FER1L6: variants seen among roughly 807,000 people sequenced by gnomAD.
FER1L6 encodes the protein fer-1-like protein 6.
Under a neutral mutation model 219.2 loss-of-function variants are expected in FER1L6, and 177 were observed. That is an observed-to-expected ratio of 0.81 (90% CI 0.71 to 0.91). The LOEUF (loss-of-function observed/expected upper bound fraction) is 0.91. FER1L6 is among the 40% of genes least tolerant of loss of function. FER1L6 has a pLI of 0.00. For synonymous variants in FER1L6, 768 were observed against 824.3 expected (o/e 0.93, Z 1.17); for missense variants, 2,153 against 2,259.9 (o/e 0.95, Z 0.96).
rs1167079572 is a variant in FER1L6 at position 123,852,728 on chromosome 8, G to T, written c.-8+543G>T. 6.6e-6 allele frequency among the ~76,000 whole-genome samples: 1 copy of T among 152,010 alleles called. No individual in the cohort carries two copies. Among genetic ancestry groups the T allele is most frequent in the Non-Finnish European group, 1.5e-5 (1 of 68,000 alleles). On this transcript the variant is annotated intron_variant, in intron 1 of 40. Transcript: ENST00000522917. This position sits in a 1 kb window ranked among gnomAD's most constrained non-coding sequence, Gnocchi z 4.9. ...ATTTCTCACTCAGTTTTCCCTAATG[G>T]TAACATCTTATATTACCATGGTACA...
intron 33 of FER1L6, among the ~76,000 whole-genome samples, chr8:124,086,661 G>C (rs1290594680): frequency 6.6e-6 from 1 of 151,978 alleles, no homozygotes; most frequent in African/African-American, 2.4e-5. Flanking sequence ...GTGTTTTTCT[G>C]TGTACTTACT....
intron 11 of FER1L6, among the ~76,000 whole-genome samples, chr8:123,983,729 C>G (rs1206251209): frequency 6.6e-6 from 1 of 152,158 alleles, no homozygotes. Context: ...CCAAGAATAA[C>G]CTCTTGCTTC....
At chr8:124,015,282 T>C (rs1447760416) in intron 15 of FER1L6, among the ~76,000 whole-genome samples, 2 of 151,980 alleles carry the variant, frequency 1.3e-5, no homozygotes, top group Admixed American at 6.6e-5. Flanking sequence ...TTGCAGGAGG[T>C]AGGACTCACT....
At position 124,064,499 on chromosome 8, in the gene FER1L6, C is replaced by T. The variant is rs758773452; in HGVS notation, c.3481C>T (p.Pro1161Ser). 1.9e-6 allele frequency: 3 copies of T among 1,614,008 alleles called. No homozygotes were observed. Among genetic ancestry groups the T allele is most frequent in the South Asian group, 1.1e-5 (1 of 91,042 alleles). The change falls in exon 26 of 41, where the codon CCT (proline) becomes TCT (serine). Residue 1161 changes from proline (P) to serine (S), a missense_variant. Transcript: ENST00000522917. ...QAQPAILVDVPDSSPMLEPEH... is the reference protein window; with the variant it reads ...QAQPAILVDVSDSSPMLEPEH... The stretch of plus-strand genomic sequence containing the variant: ...CCAGCCGGCCATCCTGGTTGACGTC[C>T]CTGACTCATCCCCGATGCTGGAGCC...
At chr8:123,911,504 T>C (rs1480514148) in intron 1 of FER1L6, among the ~76,000 whole-genome samples, 1 of 152,174 alleles carries the variant, frequency 6.6e-6, no homozygotes, top group Non-Finnish European at 1.5e-5. Flanking sequence ...AAACCCTCTG[T>C]TAATCTTCAG....
At chr8:123,963,499 G>A in intron 3 of FER1L6, 101 bp downstream of exon 3, 2 of 1,392,190 alleles carry the variant, frequency 1.4e-6, no homozygotes, top group Non-Finnish European at 2.0e-6. Context: ...GTAAGACATA[G>A]TCACTGTCTA....
At chr8:123,945,194 C>G (rs570424054) in intron 1 of FER1L6, among the ~76,000 whole-genome samples, 1 of 152,150 alleles carries the variant, frequency 6.6e-6, no homozygotes, top group South Asian at 2.1e-4. Flanking sequence ...GACTGGGAAG[C>G]CCCTGTATAT....
chr8:123,927,126 G>A (rs1415207399), intron 1 of FER1L6, among the ~76,000 whole-genome samples: 2 of 147,598 alleles, frequency 1.4e-5, no homozygotes, highest in Non-Finnish European at 3.0e-5. Context: ...GAGAACTTTT[G>A]TAATTTGCCC....
At chr8:124,052,287 A>G (rs953475001) in intron 22 of FER1L6, among the ~76,000 whole-genome samples, 21 of 152,172 alleles carry the variant, frequency 1.4e-4, no homozygotes, top group African/African-American at 4.8e-4. Context: ...TTATCCTTCT[A>G]ACTACTTGTA....
At chr8:124,023,341 A>G in intron 17 of FER1L6, 103 bp from the exon 18 acceptor site, 2 of 1,148,840 alleles carry the variant, frequency 1.7e-6, no homozygotes, top group South Asian at 3.1e-5. Flanking sequence ...GTTTTGTCGA[A>G]GAGGGAATAT....
At chr8:123,913,917 C>G (rs1813113460) in intron 1 of FER1L6, among the ~76,000 whole-genome samples, 3 of 151,232 alleles carry the variant, frequency 2.0e-5, no homozygotes, top group Non-Finnish European at 4.4e-5. Context: ...ACACACTAAA[C>G]ATTCTGTTAA....
chr8:124,105,254 G>A (rs184990741), intron 39 of FER1L6, among the ~76,000 whole-genome samples: 14 of 152,298 alleles, frequency 9.2e-5, no homozygotes, highest in Non-Finnish European at 1.3e-4. Context: ...TAGTGCTTTG[G>A]ATAAACTAAA....
chr8:123,993,410 C>G (rs1816960313), intron 12 of FER1L6, among the ~76,000 whole-genome samples: 2 of 148,994 alleles, frequency 1.3e-5, no homozygotes, highest in African/African-American at 5.0e-5. Context: ...CCACTGCACT[C>G]CAGCCTGGGC....
intron 1 of FER1L6, among the ~76,000 whole-genome samples, chr8:123,942,808 C>T (rs1417250470): frequency 6.6e-6 from 1 of 152,214 alleles, no homozygotes; most frequent in East Asian, 1.9e-4. Context: ...CAGGTTTCAA[C>T]ATGTGGATAT....
At chr8:123,947,712 A>G (rs962051606) in intron 1 of FER1L6, among the ~76,000 whole-genome samples, 1 of 152,186 alleles carries the variant, frequency 6.6e-6, no homozygotes, top group Non-Finnish European at 1.5e-5. Context: ...AAGGAGAAGG[A>G]TGTTTTTTCA....
At chr8:123,965,890 A>T in intron 3 of FER1L6, 117 bp from the exon 4 acceptor site, 1 of 942,610 alleles carries the variant, frequency 1.1e-6, no homozygotes, top group Non-Finnish European at 1.6e-6. Flanking sequence ...CCAGAGATGT[A>T]GACAGAATAT....
At chr8:123,977,033 C>T (rs1273542085) in intron 9 of FER1L6, among the ~76,000 whole-genome samples, 2 of 152,252 alleles carry the variant, frequency 1.3e-5, no homozygotes, top group African/African-American at 2.4e-5. Context: ...TCATATAAGA[C>T]ATCACCTCCA....
chr8:123,987,711 T>C (rs1345672696), intron 12 of FER1L6, among the ~76,000 whole-genome samples: 1 of 152,182 alleles, frequency 6.6e-6, no homozygotes, highest in Admixed American at 6.5e-5. Flanking sequence ...TGGTGGAACA[T>C]AGGGGTCTAG....
At chr8:124,043,017 G>A (rs1819573280) in intron 20 of FER1L6, among the ~76,000 whole-genome samples, 1 of 152,168 alleles carries the variant, frequency 6.6e-6, no homozygotes, top group Admixed American at 6.5e-5. Context: ...TCTTAAGAGG[G>A]TGAAGCACGG....
Sources: gnomAD v4.1 joint callset for allele counts (sites outside exome capture counted in the v4.1 genomes callset) on GRCh38, gnomAD v4.1.1 for gene constraint, Gnocchi (gnomAD v3.1) non-coding constraint, MANE v1.5 for transcripts, NCBI Gene and HGNC (gene_info 2026-07-23, HGNC 2026-07-21) for gene names.